Variants in ROPN1L observed in about 807,000 individuals in gnomAD.
ROPN1L encodes ropporin-1-like protein.
In ROPN1L, 23 loss-of-function variants were observed where a neutral mutation model predicts 22.7. That is an observed-to-expected ratio of 1.01 (90% confidence interval 0.73 to 1.43). ROPN1L has a LOEUF of 1.43. Ranked by LOEUF, ROPN1L falls within the 40% of genes most tolerant of loss-of-function variation. ROPN1L has a pLI of 0.00. For synonymous variants in ROPN1L, 116 were observed against 117.8 expected, an observed-to-expected ratio of 0.98 and a Z score of 0.10; for missense variants, 271 against 291.5, an observed-to-expected ratio of 0.93 and a Z score of 0.51.
intron 1 of ROPN1L, among the ~76,000 whole-genome samples, chr5:10,444,179 A>G (rs924332770): frequency 6.6e-6 from 1 of 152,254 alleles, no homozygotes; most frequent in African/African-American, 2.4e-5. Context: ...AAAAGGATTT[A>G]TAAGAGTTTG....
chr5:10,442,657 TTG>T (rs1167539924), intron 1 of ROPN1L, among the ~76,000 whole-genome samples: 1 of 152,270 alleles, frequency 6.6e-6, no homozygotes, highest in East Asian at 1.9e-4. Flanking sequence ...TGCAGTCACT[TTG>T]TGAAATGACT....
downstream of ROPN1L, among the ~76,000 whole-genome samples, chr5:10,469,320 T>TA (rs35356895): frequency 7.1e-4 from 99 of 139,582 alleles, no homozygotes; most frequent in East Asian, 4.6e-3. Context: ...ACAAAAAAAT[T>TA]AAAAAAAAAA....
intron 1 of ROPN1L, among the ~76,000 whole-genome samples, chr5:10,448,053 A>G (rs903546155): frequency 4.6e-5 from 7 of 152,300 alleles, no homozygotes; most frequent in Admixed American, 2.0e-4. Context: ...GAGTCTCATT[A>G]TCCCCTTTGC....
At position 10,471,920 on chromosome 5, in the gene ROPN1L, A is replaced by G. The variant is rs58505406; in HGVS notation, n.996A>G. ...GGAAGAGCCAGGAGAGGCTAAAGGA[A>G]TGTGCTAGACAAAGAAGTTTGAAAT... is the stretch of plus-strand genomic sequence containing the variant. On this transcript the variant is annotated non_coding_transcript_exon_variant, in exon 5 of 5. Transcript: ENST00000510520. 2.6e-5 allele frequency: 4 copies of G among 152,422 alleles called. No homozygotes were observed. In the East Asian group the frequency reaches 7.7e-4, roughly 29 times the overall value. The allele number at this position is 152,422 out of a possible 1,614,324, so 9.4% of individuals were successfully genotyped here.
intron 4 of ROPN1L, among the ~76,000 whole-genome samples, chr5:10,471,054 C>A (rs993957928): frequency 6.6e-6 from 1 of 152,222 alleles, no homozygotes; most frequent in East Asian, 1.9e-4. Flanking sequence ...TGGAGCCCAA[C>A]TCCAAAGGAA....
chr5:10,464,792 T>C lies in ROPN1L; in HGVS notation c.594-56T>C. On this transcript the variant is annotated intron_variant, in intron 4 of 4. Transcript: ENST00000274134. The stretch of plus-strand genomic sequence containing the variant: ...ATTATATCGCATTTTATAAAAATGT[T>C]ACTAAGTATATGATGAGAAATTACC... 4 of 985,212 alleles carry C rather than the reference T, an allele frequency of 4.1e-6. No homozygotes were observed. The East Asian group carries it at 1.0e-4, about 25-fold the overall frequency. The allele number at this position is 985,212 out of a possible 1,614,324, so 61.0% of individuals were successfully genotyped here.
At chr5:10,461,111 C>T (rs1237683655) in intron 3 of ROPN1L, 73 bp from the exon 4 acceptor site, 2 of 1,395,128 alleles carry the variant, frequency 1.4e-6, no homozygotes, top group Non-Finnish European at 2.0e-6. Context: ...GTTGATTCTG[C>T]TGATGCCTGC....
chr5:10,456,623 G>C (rs2126452970), intron 3 of ROPN1L, among the ~76,000 whole-genome samples: 1 of 152,366 alleles, frequency 6.6e-6, no homozygotes, highest in African/African-American at 2.4e-5. Context: ...TCTTTTGGCT[G>C]TTGTGCAAGT....
intron 3 of ROPN1L, among the ~76,000 whole-genome samples, chr5:10,458,535 C>T (rs1734907364): frequency 9.3e-6 from 1 of 107,898 alleles, no homozygotes; most frequent in Non-Finnish European, 1.9e-5. Context: ...TCATGTACAC[C>T]ATCCCCCGTG....
downstream of ROPN1L, among the ~76,000 whole-genome samples, chr5:10,466,385 C>T (rs1735154559): frequency 6.6e-6 from 1 of 152,144 alleles, no homozygotes; most frequent in African/African-American, 2.4e-5. Context: ...ACCCTGGAGG[C>T]TGCCCACGTT....
intron 3 of ROPN1L, among the ~76,000 whole-genome samples, chr5:10,453,526 A>G (rs549944955): frequency 6.6e-6 from 1 of 152,292 alleles, no homozygotes; most frequent in South Asian, 2.1e-4. Context: ...AAAAGGAGGA[A>G]ATGAAGTGCG....
chr5:10,480,973 A>T, the ROPN1L span, among the ~76,000 whole-genome samples: 1 of 152,050 alleles, frequency 6.6e-6, no homozygotes, highest in Non-Finnish European at 1.5e-5. Context: ...CTGCTTCCAG[A>T]TCGTCTGTTT....
At position 10,458,943 on chromosome 5, in the gene ROPN1L, G is replaced by C. The variant is rs371449248; in HGVS notation, c.418-2241G>C. ...ATCCCCCCACCGTGTACACCATCCCGCCCGTGTACACCACCCCACCTGTAT... is the reference window on the plus strand; with the variant it reads ...ATCCCCCCACCGTGTACACCATCCCCCCCGTGTACACCACCCCACCTGTAT... On this transcript the variant is annotated intron_variant, in intron 3 of 4. Coordinates refer to ENST00000274134, the MANE Select transcript of ROPN1L (RefSeq NM_031916.5). Among the ~76,000 whole-genome samples the C allele has an allele frequency of 7.0e-3, 263 of 37,770 alleles. 2 individuals are homozygous for C. The highest frequency in any genetic ancestry group is 0.026 in the African/African-American group (247 of 9,442). The allele number at this position is 37,770 out of a possible 152,430, so 24.8% of individuals were successfully genotyped here. A position where few individuals can be genotyped will look rare whatever the true frequency, so the allele number is the denominator to read the frequency against.
At chr5:10,477,982 G>A in the ROPN1L span, 1 of 152,216 alleles carries the variant, frequency 6.6e-6, no homozygotes, top group Non-Finnish European at 1.5e-5. Flanking sequence ...CTCTGTTGAA[G>A]GAAGCTTTAA....
intron 4 of ROPN1L, 150 bp downstream of exon 4, chr5:10,461,509 G>C (rs2126465839): frequency 1.4e-6 from 1 of 703,208 alleles, no homozygotes; most frequent in East Asian, 2.7e-5. Context: ...TCAAATGTGT[G>C]GAGGTTTTTC....
chr5:10,470,606 G>A (rs1465384086), intron 4 of ROPN1L, among the ~76,000 whole-genome samples: 2 of 152,216 alleles, frequency 1.3e-5, no homozygotes, highest in African/African-American at 4.8e-5. Flanking sequence ...TGCTTTCCCC[G>A]AGGTTGGAGC....
At chr5:10,469,826 C>G (rs114889943), downstream of ROPN1L, among the ~76,000 whole-genome samples, 81 of 152,284 alleles carry the variant, frequency 5.3e-4, no homozygotes, top group African/African-American at 1.7e-3. Context: ...AGGGATGACT[C>G]CAGAAATACG....
intron 3 of ROPN1L, among the ~76,000 whole-genome samples, chr5:10,456,343 C>T (rs1741421288): frequency 6.6e-6 from 1 of 152,148 alleles, no homozygotes; most frequent in Admixed American, 6.5e-5. Context: ...CAAAAATTAG[C>T]TGGGCATGGT....
At chr5:10,444,830 C>G (rs1192145056) in intron 1 of ROPN1L, among the ~76,000 whole-genome samples, 3 of 151,626 alleles carry the variant, frequency 2.0e-5, no homozygotes, top group Non-Finnish European at 4.4e-5. Context: ...AACCGGGAAG[C>G]AGAGGTTGCA....
Sources: gnomAD v4.1 joint callset for allele counts (sites outside exome capture counted in the v4.1 genomes callset) on GRCh38, gnomAD v4.1.1 for gene constraint, MANE v1.5 for transcripts, NCBI Gene and HGNC (gene_info 2026-07-23, HGNC 2026-07-21) for gene names.